Variants in FGD5 observed in about 807,000 individuals in gnomAD.
FGD5 encodes the protein FYVE, RhoGEF and PH domain containing 5, also known as FYVE, RhoGEF and PH domain-containing protein 5.
A neutral mutation model predicts 133.4 loss-of-function variants in FGD5; 28 were observed. The ratio of observed to expected loss-of-function variants is 0.21; its 90% CI spans 0.16 to 0.29. The LOEUF is 0.29. Among genes scored for constraint, FGD5 ranks in the 10% least tolerant of loss-of-function variants. The pLI, the probability that FGD5 is intolerant of heterozygous loss-of-function variation, is 1.00. For synonymous variants in FGD5, 810 were observed against 776.5 expected (o/e 1.04, Z -0.72); for missense variants, 1,858 against 1,895.2 (o/e 0.98, Z 0.36).
chr3:14,872,919 G>C (rs1200374963), intron 2 of FGD5, among the ~76,000 whole-genome samples: 18 of 152,188 alleles, frequency 1.2e-4, no homozygotes, highest in Admixed American at 1.0e-3. Flanking sequence ...CTTATCTTGA[G>C]GCCAGTGCTT....
intron 2 of FGD5, among the ~76,000 whole-genome samples, chr3:14,867,372 A>G (rs999275411): frequency 2.0e-5 from 3 of 152,170 alleles, no homozygotes; most frequent in Non-Finnish European, 4.4e-5. Flanking sequence ...CAGATGTGCT[A>G]TGGTTTATTT....
rs932605231 is a variant in FGD5, at chr3:14,922,350, T to C, written c.3670-61T>C. ...AGACGCAGGGCAGGGCTCACTGGGC[T>C]CTGCATCTGGCTGGTCTCCTGGCCA... On this transcript the variant is annotated intron_variant, in intron 14 of 19. Coordinates refer to ENST00000285046, the MANE Select transcript of FGD5 (RefSeq NM_152536.4). This position sits in a 1 kb window ranked among gnomAD's most constrained non-coding sequence, Gnocchi z 4.1. 1 of 1,547,338 alleles carries C rather than the reference T, an allele frequency of 6.5e-7. No homozygotes were observed. The highest frequency in any genetic ancestry group is 2.0e-5 in the Admixed American group (1 of 50,932).
At chr3:14,814,519 T>C (rs1442750367), upstream of FGD5, among the ~76,000 whole-genome samples, 1 of 152,110 alleles carries the variant, frequency 6.6e-6, no homozygotes, top group Non-Finnish European at 1.5e-5. Context: ...CTGGATGCTC[T>C]CATACTCTTG....
intron 1 of FGD5, among the ~76,000 whole-genome samples, chr3:14,832,153 A>G (rs2036722834): frequency 6.6e-6 from 1 of 152,166 alleles, no homozygotes; most frequent in Non-Finnish European, 1.5e-5. Context: ...ATCACTGAGC[A>G]CCGTGAGGAG....
At chr3:14,893,752 CTT>C (rs138741627) in intron 4 of FGD5, among the ~76,000 whole-genome samples, 1 of 95,056 alleles carries the variant, frequency 1.1e-5, no homozygotes. Context: ...TTTCTTTTTT[CTT>C]TTTTTTTTTT....
chr3:14,870,970 A>G (rs906321394), intron 2 of FGD5, among the ~76,000 whole-genome samples: 2 of 152,230 alleles, frequency 1.3e-5, no homozygotes, highest in African/African-American at 4.8e-5. Context: ...TCGACCAGAC[A>G]TCATGCAAGA....
At chr3:14,839,933 A>AAAAC (rs71038439) in intron 1 of FGD5, among the ~76,000 whole-genome samples, 13,915 of 149,586 alleles carry the variant, frequency 0.093, 810 homozygotes, top group East Asian at 0.27. Context: ...ACTGTCTCAA[A>AAAAC]AAACAAACAA....
Position 14,819,231 on chromosome 3 carries a change from C to A in FGD5, c.160C>A (p.Pro54Thr). Residue 54 changes from proline to threonine, a missense_variant, in exon 1 of 20, where the codon CCA (proline) becomes ACA (threonine). Physicochemically the swap from Pro to Thr is conservative, Grantham distance 38. Around this residue, in one of 3 missense-constraint regions of FGD5, gnomAD observed 1,824 missense variants for 1,848.9 expected, o/e 0.99. Coordinates refer to ENST00000285046, the MANE Select transcript of FGD5 (RefSeq NM_152536.4). This position sits in a 1 kb window ranked among gnomAD's most constrained non-coding sequence, Gnocchi z 4.1. ...RGLDEGPRSI[P>T]KCSESETDED... Reference sequence around the variant, plus strand: ...GCTTGATGAGGGGCCCCGGTCCATCCCAAAGTGCTCTGAGTCGGAGACCGA... The same window carrying A: ...GCTTGATGAGGGGCCCCGGTCCATCACAAAGTGCTCTGAGTCGGAGACCGA... 2 of 1,545,798 alleles carry A rather than the reference C, an allele frequency of 1.3e-6. No homozygotes were observed. The highest frequency in any genetic ancestry group is 1.7e-6 in the Non-Finnish European group (2 of 1,144,604).
intron 1 of FGD5, among the ~76,000 whole-genome samples, chr3:14,825,465 A>T (rs1188892065): frequency 2.0e-5 from 3 of 150,402 alleles, no homozygotes; most frequent in African/African-American, 7.3e-5. Flanking sequence ...ATCTCTACAT[A>T]TATATATATA....
At chr3:14,811,054 G>GT (rs1428281466) in intron 1 of FGD5, among the ~76,000 whole-genome samples, 1 of 152,184 alleles carries the variant, frequency 6.6e-6, no homozygotes, top group East Asian at 2.0e-4. Flanking sequence ...GAGAACCGGG[G>GT]GTCCCCGTCC....
intron 1 of FGD5, among the ~76,000 whole-genome samples, chr3:14,841,275 A>G (rs572207701): frequency 2.0e-5 from 3 of 152,220 alleles, no homozygotes; most frequent in African/African-American, 4.8e-5. Flanking sequence ...GTGGTGAGGA[A>G]TCATTGTGAA....
In FGD5 at chr3:14,852,683, A is replaced by G. The variant is rs78748611; in HGVS notation, c.2526-11445A>G. ...GGGGTGGGGATGTCTCTGGTCAGAA[A>G]ACAAGGATGAACTTTTGTTTTTACT... is the stretch of plus-strand genomic sequence containing the variant. On this transcript the variant is annotated intron_variant, in intron 1 of 19. Coordinates refer to ENST00000285046, the MANE Select transcript of FGD5 (RefSeq NM_152536.4). Among the ~76,000 whole-genome samples, 376 of 152,340 alleles carry G rather than the reference A, an allele frequency of 2.5e-3. 5 individuals carry two copies. Among genetic ancestry groups the G allele is most frequent in the African/African-American group, 8.7e-3 (360 of 41,588 alleles).
intron 1 of FGD5, among the ~76,000 whole-genome samples, chr3:14,841,066 A>G (rs2036912825): frequency 6.6e-6 from 1 of 152,278 alleles, no homozygotes; most frequent in South Asian, 2.1e-4. Context: ...AGTGCTTCTG[A>G]TATTTGGCTG....
rs1320831482 is a variant in FGD5 at position 14,843,705 on chromosome 3, G to GTTTTT, written c.2526-20423_2526-20422insTTTTT. Among the ~76,000 whole-genome samples, 703 of 110,320 alleles carry GTTTTT rather than the reference G, an allele frequency of 6.4e-3. 50 individuals are homozygous for GTTTTT. The highest frequency in any genetic ancestry group is 0.016 in the African/African-American group (458 of 28,074). The allele number at this position is 110,320 out of a possible 152,430, so 72.4% of individuals were successfully genotyped here. A position where few individuals can be genotyped will look rare whatever the true frequency, so the allele number is the denominator to read the frequency against. On this transcript the variant is annotated intron_variant, in intron 1 of 19. Transcript: ENST00000285046. The stretch of plus-strand genomic sequence containing the variant: ...AGGGTGCTTTTTTTTTTTTTTTTTG[G>GTTTTT]GGGGAGACAGAGTCTCATTCTGTCG...
chr3:14,837,273 G>T (rs2036833827), intron 1 of FGD5, among the ~76,000 whole-genome samples: 2 of 152,222 alleles, frequency 1.3e-5, no homozygotes, highest in African/African-American at 4.8e-5. Context: ...TCCATGGCTG[G>T]AGAAGGGGAA....
In FGD5 at chr3:14,900,425, G is replaced by C; in HGVS notation, c.3177G>C (p.Pro1059=). 6.2e-7 allele frequency: 1 copy of C among 1,613,450 alleles called. No individual in the cohort carries two copies. The highest frequency in any genetic ancestry group is 8.5e-7 in the Non-Finnish European group (1 of 1,179,672). ...CAGACTATTTAAACAACCTTTGTCC[G>C]GACTCCGCCGAGTACGACAACACAC... The part of the protein sequence containing the change: ...LLTDYLNNLC[P]DSAEYDNTQG... The change falls in exon 8 of 20, where the codon CCG becomes CCC. Residue 1059 remains proline, a synonymous_variant. Transcript: ENST00000285046.
In FGD5 at chr3:14,880,597, T is replaced by G; in HGVS notation, c.2684T>G (p.Val895Gly). 4 of 1,613,938 alleles carry G rather than the reference T, an allele frequency of 2.5e-6. No individual in the cohort carries two copies. The highest frequency in any genetic ancestry group is 3.4e-6 in the Non-Finnish European group (4 of 1,179,886). ...HKVEGQSRAL[V>G]IAQELLSSEK... is the part of the protein sequence containing the mutation. ...GTGGAAGGACAGTCCAGAGCCCTTG[T>G]CATCGCACAGGAACTGCTATCTTCA... is the stretch of plus-strand genomic sequence containing the variant. Residue 895 changes from valine to glycine, a missense_variant, in exon 3 of 20, where the codon GTC becomes GGC. Coordinates refer to ENST00000285046, the MANE Select transcript of FGD5 (RefSeq NM_152536.4).
intron 13 of FGD5, among the ~76,000 whole-genome samples, chr3:14,919,613 G>A (rs552379502): frequency 2.0e-5 from 3 of 152,214 alleles, no homozygotes; most frequent in African/African-American, 4.8e-5. Context: ...GCAAGACTCC[G>A]TCTCAAAACA....
chr3:14,868,561 G>A (rs539866715), intron 2 of FGD5, among the ~76,000 whole-genome samples: 31 of 152,312 alleles, frequency 2.0e-4, no homozygotes, highest in African/African-American at 7.2e-4. Context: ...CTTTCTCTGT[G>A]CTATGGACTT....
Sources: gnomAD v4.1 joint callset for allele counts (sites outside exome capture counted in the v4.1 genomes callset) on GRCh38, gnomAD v4.1.1 for gene constraint, gnomAD v4.1.1 regional missense constraint, Gnocchi (gnomAD v3.1) non-coding constraint, MANE v1.5 for transcripts, NCBI Gene and HGNC (gene_info 2026-07-23, HGNC 2026-07-21) for gene names.